The following ZFHX3 variants were observed in gnomAD, a reference collection of about 807,000 sequenced individuals.
ZFHX3 encodes the protein zinc finger homeobox 3.
ZFHX3 carries 42 observed loss-of-function variants against 279.1 expected under a neutral mutation model. The ratio of observed to expected loss-of-function variants is 0.15; its 90% CI spans 0.12 to 0.19. ZFHX3 has a LOEUF of 0.19. ZFHX3 is among the 10% of genes least tolerant of loss of function. The probability of loss-of-function intolerance (pLI) is 1.00; values close to 1 mark genes in which losing one functional copy is unlikely to be tolerated. For missense variants in ZFHX3, 4,981 were observed against 4,754.0 expected (o/e 1.05, Z -1.40); for synonymous variants, 2,293 against 1,957.8 (o/e 1.17, Z -4.52).
At chr16:73,698,557 C>T (rs978282773) in intron 1 of ZFHX3, among the ~76,000 whole-genome samples, 3 of 152,194 alleles carry the variant, frequency 2.0e-5, no homozygotes, top group Admixed American at 6.5e-5. Context: ...ATTGCTGTCA[C>T]ACACCTCATC....
At chr16:73,151,459 G>A (rs538494198) in intron 5 of ZFHX3, among the ~76,000 whole-genome samples, 1 of 152,212 alleles carries the variant, frequency 6.6e-6, no homozygotes, top group South Asian at 2.1e-4. Flanking sequence ...AGGCAGGTTG[G>A]AGGAAGGCCT....
At chr16:73,040,041 G>C (rs1351802368) in intron 1 of ZFHX3, among the ~76,000 whole-genome samples, 4 of 152,212 alleles carry the variant, frequency 2.6e-5, no homozygotes, top group African/African-American at 9.6e-5. Flanking sequence ...GGGCAGCTCT[G>C]TTTTTCAAGC....
At chr16:73,366,776 G>A (rs2016538950) in intron 3 of ZFHX3, among the ~76,000 whole-genome samples, 1 of 152,038 alleles carries the variant, frequency 6.6e-6, no homozygotes, top group Non-Finnish European at 1.5e-5. Flanking sequence ...GAGATGAGGT[G>A]AGAGCTCCAA....
chr16:73,119,916 A>G lies in ZFHX3; in HGVS notation c.-897+11052T>C, dbSNP rs144917946. ...TTTCCCAGGATATTTACAACAAACA[A>G]AAAAACCTTTGTTTTGCTTGAGGCT... is the stretch of plus-strand genomic sequence containing the variant. On this transcript the variant is annotated intron_variant, in intron 7 of 17. Transcript: ENST00000641206. Among the ~76,000 whole-genome samples the G allele has an allele frequency of 3.2e-3, 480 of 152,280 alleles. 4 individuals are homozygous for G. Among genetic ancestry groups the G allele is most frequent in the African/African-American group, 0.01 (436 of 41,564 alleles).
intron 2 of ZFHX3, among the ~76,000 whole-genome samples, chr16:73,539,392 GCTT>G (rs1411058464): frequency 7.6e-6 from 1 of 131,392 alleles, no homozygotes; most frequent in Non-Finnish European, 1.6e-5. Flanking sequence ...TGCTATGGCT[GCTT>G]CTTCTCTTTT....
At chr16:73,678,802 G>A (rs575015786) in intron 2 of ZFHX3, among the ~76,000 whole-genome samples, 1 of 152,142 alleles carries the variant, frequency 6.6e-6, no homozygotes, top group South Asian at 2.1e-4. Flanking sequence ...GCTTGCTTCA[G>A]TGATTCTGCA....
chr16:73,709,170 A>G (rs1031309559), intron 1 of ZFHX3, among the ~76,000 whole-genome samples: 1 of 152,136 alleles, frequency 6.6e-6, no homozygotes, highest in Non-Finnish European at 1.5e-5. Flanking sequence ...AGAAAGAAAG[A>G]AAATGCCAGC....
At chr16:72,938,528 G>C (rs1484249108) in intron 3 of ZFHX3, among the ~76,000 whole-genome samples, 2 of 152,222 alleles carry the variant, frequency 1.3e-5, no homozygotes, top group South Asian at 4.1e-4. Flanking sequence ...GAAGGGAGAG[G>C]GAGTTTCTGG....
chr16:73,531,641 T>A (rs2019804795), intron 2 of ZFHX3, among the ~76,000 whole-genome samples: 1 of 140,016 alleles, frequency 7.1e-6, no homozygotes. Context: ...CTTGAGCCCA[T>A]GAGCTAGAGG....
chr16:73,393,490 AT>A (rs1240855113), intron 3 of ZFHX3, among the ~76,000 whole-genome samples: 11 of 152,220 alleles, frequency 7.2e-5, no homozygotes, highest in Non-Finnish European at 1.5e-4. Flanking sequence ...GATCAAAATT[AT>A]GAACTCAGAT....
rs757489148 is a variant in ZFHX3, at chr16:72,958,940, G to C, written c.1206C>G (p.Asn402Lys). 3.8e-6 allele frequency: 6 copies of C among 1,598,858 alleles called. No individual in the cohort carries two copies. The highest frequency in any genetic ancestry group is 4.3e-6 in the Non-Finnish European group (5 of 1,172,434). Residue 402 changes from asparagine to lysine, a missense_variant, in exon 2 of 10, where the codon AAC becomes AAG. Transcript: ENST00000268489. ...GTACCGAGCTGGTGAGCCCGCCAAG[G>C]TTCAACAGGGTGCTGGGGGTCAAGA... ...AGLLTPSTLLNLGGLTSSVLK... is the reference protein window; with the variant it reads ...AGLLTPSTLLKLGGLTSSVLK...
chr16:73,780,494 G>A (rs901950477), intron 1 of ZFHX3, among the ~76,000 whole-genome samples: 1 of 151,134 alleles, frequency 6.6e-6, no homozygotes, highest in Non-Finnish European at 1.5e-5. Context: ...CCAGGCTGGA[G>A]TACAGTGGCA....
chr16:73,168,500 C>G (rs531271264), intron 5 of ZFHX3, among the ~76,000 whole-genome samples: 1 of 152,110 alleles, frequency 6.6e-6, no homozygotes, highest in Non-Finnish European at 1.5e-5. Flanking sequence ...AAGCAGGTCT[C>G]CTACCCCAGC....
At chr16:73,368,502 T>A (rs1397940760) in intron 3 of ZFHX3, among the ~76,000 whole-genome samples, 3 of 152,174 alleles carry the variant, frequency 2.0e-5, no homozygotes, top group Non-Finnish European at 2.9e-5. Context: ...CCAGACAGAA[T>A]CGTATTTTAA....
chr16:73,092,694 A>G (rs760659815), intron 8 of ZFHX3: 20 of 309,292 alleles, frequency 6.5e-5, no homozygotes, highest in Non-Finnish European at 1.1e-4. Flanking sequence ...TGGCTTACAC[A>G]TGCTCTTGCT....
chr16:73,021,913 G>T (rs1020781003), intron 1 of ZFHX3, among the ~76,000 whole-genome samples: 1 of 151,174 alleles, frequency 6.6e-6, no homozygotes, highest in Admixed American at 6.6e-5. Context: ...AAGGAAGACA[G>T]CCACGTGTAG....
chr16:73,090,685 G>A (rs1478767198), intron 8 of ZFHX3, among the ~76,000 whole-genome samples: 5 of 150,496 alleles, frequency 3.3e-5, no homozygotes, highest in East Asian at 2.0e-4. Context: ...CCAGGAGTTC[G>A]AGACCAGCCT....
intron 3 of ZFHX3, among the ~76,000 whole-genome samples, chr16:73,417,019 G>C (rs190646282): frequency 6.6e-5 from 10 of 151,988 alleles, no homozygotes; most frequent in Admixed American, 5.2e-4. Flanking sequence ...AGTGACCAAA[G>C]GGACTATCAG....
At chr16:73,402,137 G>T (rs2017268750) in intron 3 of ZFHX3, 1 of 152,150 alleles carries the variant, frequency 6.6e-6, no homozygotes, top group South Asian at 2.1e-4. Context: ...TCAAGACTGG[G>T]TTATCTTTGT....
Sources: gnomAD v4.1 joint callset for allele counts (sites outside exome capture counted in the v4.1 genomes callset) on GRCh38, gnomAD v4.1.1 for gene constraint, MANE v1.5 for transcripts, NCBI Gene and HGNC (gene_info 2026-07-23, HGNC 2026-07-21) for gene names.